CDK14: variants seen among roughly 807,000 people sequenced by gnomAD.
The protein encoded by CDK14 is cyclin dependent kinase 14.
A neutral mutation model predicts 60.7 loss-of-function variants in CDK14; 34 were observed. The ratio of observed to expected loss-of-function variants is 0.56; its 90% CI spans 0.43 to 0.75. CDK14 has a LOEUF of 0.75. CDK14 is among the 30% of genes least tolerant of loss of function. CDK14 has a pLI of 0.00. For synonymous variants in CDK14, 197 were observed against 203.7 expected, an observed-to-expected ratio of 0.97 and a Z score of 0.28; for missense variants, 482 against 564.1, an observed-to-expected ratio of 0.85 and a Z score of 1.47.
intron 7 of CDK14, among the ~76,000 whole-genome samples, chr7:90,902,382 G>A (rs895255549): frequency 6.6e-6 from 1 of 152,022 alleles, no homozygotes; most frequent in Non-Finnish European, 1.5e-5. Context: ...CATGTTATGG[G>A]TATTAAAAAG....
chr7:90,844,380 A>G (rs1046868524), intron 5 of CDK14, among the ~76,000 whole-genome samples: 2 of 152,200 alleles, frequency 1.3e-5, no homozygotes, highest in South Asian at 2.1e-4. Flanking sequence ...GGTTTGGCCT[A>G]ATGATATATA....
At chr7:91,147,160 T>TCA (rs1342197532) in intron 14 of CDK14, among the ~76,000 whole-genome samples, 180 of 107,724 alleles carry the variant, frequency 1.7e-3, no homozygotes, top group South Asian at 0.012. Context: ...TCTCTCTCTC[T>TCA]CTCACACACA....
intron 9 of CDK14, among the ~76,000 whole-genome samples, chr7:90,973,732 T>TA (rs376621108): frequency 1.3e-5 from 2 of 151,390 alleles, no homozygotes; most frequent in South Asian, 4.2e-4. Context: ...AGCAATTTTT[T>TA]TTAGGGATTT....
chr7:91,185,290 C>T (rs528204017), intron 14 of CDK14, among the ~76,000 whole-genome samples: 1 of 151,686 alleles, frequency 6.6e-6, no homozygotes, highest in Non-Finnish European at 1.5e-5. Flanking sequence ...AAACCCAGCT[C>T]AGTTCTAACC....
chr7:90,797,838 A>G (rs1472716031), intron 5 of CDK14, among the ~76,000 whole-genome samples: 1 of 151,882 alleles, frequency 6.6e-6, no homozygotes, highest in Non-Finnish European at 1.5e-5. Context: ...GACAACACGA[A>G]GGGGGATGGT....
intron 8 of CDK14, among the ~76,000 whole-genome samples, chr7:90,932,592 T>C (rs1367564953): frequency 6.6e-6 from 1 of 152,218 alleles, no homozygotes; most frequent in East Asian, 1.9e-4. Context: ...AATTTTGGAC[T>C]CTGTGGAACA....
rs1303940369 is a variant in CDK14 at position 90,649,256 on chromosome 7, C to CTTTGTTTCTTTGTTTCTTTCTTTG, written c.123+45010_123+45011insGTTTCTTTGTTTCTTTCTTTGTTT. Reference sequence around the variant, plus strand: ...CTATAGTTTCTTTCTTTCTTTCTTTCTTTCTTTCTTTCTTTCTTTCTTTCT... The same window carrying CTTTGTTTCTTTGTTTCTTTCTTTG: ...CTATAGTTTCTTTCTTTCTTTCTTTCTTTGTTTCTTTGTTTCTTTCTTTGTTTCTTTCTTTCTTTCTTTCTTTCT... On this transcript the variant is annotated intron_variant, in intron 2 of 14. Coordinates refer to ENST00000380050, the MANE Select transcript of CDK14 (RefSeq NM_001287135.2). 7.4e-4 allele frequency among the ~76,000 whole-genome samples: 35 copies of CTTTGTTTCTTTGTTTCTTTCTTTG among 47,314 alleles called. 1 individual carries two copies. The highest frequency in any genetic ancestry group is 3.5e-3 in the Admixed American group (16 of 4,556). The allele number at this position is 47,314 out of a possible 152,430, so 31.0% of individuals were successfully genotyped here.
At chr7:90,993,583 A>G (rs930801675) in intron 10 of CDK14, among the ~76,000 whole-genome samples, 1 of 152,082 alleles carries the variant, frequency 6.6e-6, no homozygotes, top group African/African-American at 2.4e-5. Context: ...AAATTTGAAG[A>G]TTTTATGATC....
chr7:91,112,587 A>G lies in CDK14; in HGVS notation c.1200A>G (p.Leu400=), dbSNP rs1462736313. The G allele has an allele frequency of 2.5e-6, 4 of 1,613,658 alleles. No individual in the cohort carries two copies. Among genetic ancestry groups the G allele is most frequent in the Non-Finnish European group, 3.4e-6 (4 of 1,179,844 alleles). ...NHAEDLASKL[L]QCSPKNRLSA... ...CAGAGGACCTGGCCTCCAAGCTCCT[A>G]CAATGTTCCCCAAAGAACAGACTGT... The change falls in exon 13 of 15, where the codon CTA becomes CTG. Residue 400 remains leucine, a synonymous_variant. Coordinates refer to ENST00000380050, the MANE Select transcript of CDK14 (RefSeq NM_001287135.2).
intron 4 of CDK14, among the ~76,000 whole-genome samples, chr7:90,790,112 T>TG (rs1805767901): frequency 2.0e-5 from 3 of 151,148 alleles, no homozygotes; most frequent in African/African-American, 4.9e-5. Context: ...TTTTTTTTTT[T>TG]TGAGAGAGAG....
At chr7:90,709,679 T>C in intron 2 of CDK14, 3 of 1,561,480 alleles carry the variant, frequency 1.9e-6, no homozygotes, top group Non-Finnish European at 1.7e-6. Flanking sequence ...TTAAAGCTAT[T>C]GATACTGAAT....
chr7:91,001,109 T>G (rs1379839104), intron 10 of CDK14, among the ~76,000 whole-genome samples: 10 of 152,218 alleles, frequency 6.6e-5, no homozygotes, highest in Admixed American at 6.5e-4. Context: ...AAGCAGCTTT[T>G]GGTTAGAGAT....
intron 2 of CDK14, among the ~76,000 whole-genome samples, chr7:90,713,083 T>C (rs1489745761): frequency 2.6e-5 from 4 of 151,976 alleles, no homozygotes; most frequent in Non-Finnish European, 4.4e-5. Context: ...TAGTAGAGGG[T>C]GTAAATTTGA....
intron 10 of CDK14, among the ~76,000 whole-genome samples, chr7:90,998,718 C>T (rs772459376): frequency 1.3e-5 from 2 of 152,090 alleles, no homozygotes; most frequent in Non-Finnish European, 2.9e-5. Context: ...GAAACCCCGT[C>T]TCTATTAAAA....
chr7:91,001,644 A>G (rs979477761), intron 10 of CDK14, among the ~76,000 whole-genome samples: 5 of 152,154 alleles, frequency 3.3e-5, no homozygotes, highest in Non-Finnish European at 1.5e-5. Context: ...CTTTACTTCT[A>G]TTTAGTATTT....
intron 5 of CDK14, 78 bp downstream of exon 5, chr7:90,790,730 A>G: frequency 1.2e-6 from 1 of 849,114 alleles, no homozygotes; most frequent in Middle Eastern, 2.3e-4. Context: ...ACACCTCTGA[A>G]TATGCTGAGT....
At chr7:90,973,201 C>G (rs527469033) in intron 9 of CDK14, among the ~76,000 whole-genome samples, 1 of 152,118 alleles carries the variant, frequency 6.6e-6, no homozygotes, top group East Asian at 1.9e-4. Context: ...CTGAAGGGCT[C>G]TAAATAATTT....
chr7:90,704,650 T>C (rs1801858284), intron 2 of CDK14, among the ~76,000 whole-genome samples: 1 of 152,154 alleles, frequency 6.6e-6, no homozygotes, highest in Admixed American at 6.5e-5. Context: ...TTAGTTCTTT[T>C]TTCCCCTACA....
chr7:90,916,263 C>A (rs1036551228), intron 7 of CDK14, among the ~76,000 whole-genome samples: 1 of 152,094 alleles, frequency 6.6e-6, no homozygotes. Flanking sequence ...GTATAAGAAG[C>A]GTTGAGAGGA....
Sources: allele counts gnomAD v4.1 joint callset (sites outside exome capture counted in the v4.1 genomes callset), GRCh38; gene constraint gnomAD v4.1.1; transcripts MANE v1.5; gene names NCBI Gene and HGNC (gene_info 2026-07-23, HGNC 2026-07-21).